CPSF6: variants seen among roughly 807,000 people sequenced by gnomAD.
CPSF6 encodes the protein cleavage and polyadenylation specific factor 6.
A neutral mutation model predicts 56.7 loss-of-function variants in CPSF6; 10 were observed. The ratio of observed to expected loss-of-function variants is 0.18; its 90% CI spans 0.11 to 0.30. The LOEUF (loss-of-function observed/expected upper bound fraction) is 0.30. CPSF6 is among the 10% of genes least tolerant of loss of function. The pLI is 1.00. For synonymous variants in CPSF6, 248 were observed against 244.8 expected (o/e 1.01, Z -0.12); for missense variants, 419 against 722.9 (o/e 0.58, Z 4.82).
At position 69,258,465 on chromosome 12, in the gene CPSF6, G is replaced by T; in HGVS notation, c.695-125G>T. On this transcript the variant is annotated intron_variant, in intron 5 of 9. Transcript: ENST00000435070. This position sits in a 1 kb window ranked among gnomAD's most constrained non-coding sequence, Gnocchi z 4.2. ...TGGTAGTGTAACATTTACCATACGGGTTTAATTTAAAGACAAAGACTTGGT... is the reference window on the plus strand; with the variant it reads ...TGGTAGTGTAACATTTACCATACGGTTTTAATTTAAAGACAAAGACTTGGT... The T allele has an allele frequency of 2.1e-6, 2 of 975,478 alleles. No individual in the cohort carries two copies. Among genetic ancestry groups the T allele is most frequent in the South Asian group, 3.6e-5 (2 of 55,390 alleles). The allele number at this position is 975,478 out of a possible 1,614,324, so 60.4% of individuals were successfully genotyped here.
chr12:69,246,012 GGGGGGCAGA>G (rs1871885549), intron 1 of CPSF6, among the ~76,000 whole-genome samples: 1 of 152,092 alleles, frequency 6.6e-6, no homozygotes, highest in Non-Finnish European at 1.5e-5. Context: ...GCTTGAACCT[GGGGGGCAGA>G]GGCTGCAGTG....
chr12:69,252,044 C>T (rs563804539), intron 2 of CPSF6: 1 of 455,828 alleles, frequency 2.2e-6, no homozygotes, highest in East Asian at 7.0e-5. Context: ...TCCTTAATAA[C>T]ACTGTATTTT....
intron 1 of CPSF6, among the ~76,000 whole-genome samples, chr12:69,248,146 A>T (rs1269388666): frequency 2.6e-5 from 4 of 152,256 alleles, no homozygotes; most frequent in Non-Finnish European, 5.9e-5. Context: ...AGTGATTGTG[A>T]TATACCAGGT....
chr12:69,243,325 C>G (rs1032749627), intron 1 of CPSF6, among the ~76,000 whole-genome samples: 1 of 152,166 alleles, frequency 6.6e-6, no homozygotes, highest in African/African-American at 2.4e-5. Context: ...TTGAGAGATA[C>G]TATATTTAGC....
chr12:69,240,270 C>T (rs572703948), intron 1 of CPSF6, among the ~76,000 whole-genome samples: 3 of 152,294 alleles, frequency 2.0e-5, no homozygotes, highest in South Asian at 2.1e-4. Context: ...CGCGCCCAGT[C>T]CCCGGGGCTC....
intron 9 of CPSF6, among the ~76,000 whole-genome samples, chr12:69,266,681 A>G (rs1284474585): frequency 6.6e-6 from 1 of 152,190 alleles, no homozygotes; most frequent in Non-Finnish European, 1.5e-5. Flanking sequence ...AATTTGTGGT[A>G]GCATGTTTTG....
At chr12:69,268,476 ACT>A (rs35275504) in intron 9 of CPSF6, among the ~76,000 whole-genome samples, 9,762 of 151,764 alleles carry the variant, frequency 0.064, 616 homozygotes, top group South Asian at 0.29. Context: ...GGCAGAAGTA[ACT>A]CTTAATTGTA....
chr12:69,261,876 C>G (rs1331647420), intron 8 of CPSF6, among the ~76,000 whole-genome samples: 1 of 152,156 alleles, frequency 6.6e-6, no homozygotes, highest in African/African-American at 2.4e-5. Flanking sequence ...CTTCTCCTCC[C>G]CTGAATATAA....
chr12:69,258,235 A>C lies in CPSF6; in HGVS notation c.694+330A>C. The C allele has an allele frequency of 1.3e-6, 1 of 796,604 alleles. No individual in the cohort carries two copies. Among genetic ancestry groups the C allele is most frequent in the Non-Finnish European group, 2.0e-6 (1 of 506,608 alleles). The allele number at this position is 796,604 out of a possible 1,614,324, so 49.3% of individuals were successfully genotyped here. ...TACCTCTTAAAAAAATCCTTTCAAGATCATTTTTCCTTGTTTCACTTTCTA... is the reference window on the plus strand; with the variant it reads ...TACCTCTTAAAAAAATCCTTTCAAGCTCATTTTTCCTTGTTTCACTTTCTA... On this transcript the variant is annotated intron_variant, in intron 5 of 9. Coordinates refer to ENST00000435070, the MANE Select transcript of CPSF6 (RefSeq NM_007007.3). The surrounding 1 kb of genome is among the most constrained non-coding windows in gnomAD (Gnocchi z 4.2).
At chr12:69,247,440 C>T (rs1828108157) in intron 1 of CPSF6, among the ~76,000 whole-genome samples, 1 of 149,536 alleles carries the variant, frequency 6.7e-6, no homozygotes, top group African/African-American at 2.4e-5. Context: ...AGCTGGCTAG[C>T]TACTATGAAC....
chr12:69,258,735 T>G lies in CPSF6; in HGVS notation c.840T>G (p.Pro280=). 3 of 1,614,064 alleles carry G rather than the reference T, an allele frequency of 1.9e-6. No homozygotes were observed. Among genetic ancestry groups the G allele is most frequent in the South Asian group, 1.1e-5 (1 of 91,070 alleles). The change falls in exon 6 of 10, where the codon CCT becomes CCG. Residue 280 remains proline, a synonymous_variant. Transcript: ENST00000435070. The surrounding 1 kb of genome is among the most constrained non-coding windows in gnomAD (Gnocchi z 4.2). ...GDRPPPPVLF[P]GQPFGQPPLG... is the part of the protein sequence containing the mutation. Reference sequence around the variant, plus strand: ...GCCCTCCACCACCAGTTCTTTTTCCTGGACAACCTTTTGGGCAGCCTCCAT... The same window carrying G: ...GCCCTCCACCACCAGTTCTTTTTCCGGGACAACCTTTTGGGCAGCCTCCAT...
rs1216692933 is a variant in CPSF6, at chr12:69,257,853, G to T, written c.642G>T (p.Gly214=). Residue 214 remains glycine (G), a synonymous_variant, in exon 5 of 10, where the codon GGG becomes GGT. Coordinates refer to ENST00000435070, the MANE Select transcript of CPSF6 (RefSeq NM_007007.3). The stretch of plus-strand genomic sequence containing the variant: ...GTTTTCCAGGGGCTGTTCCTGGTGG[G>T]GACAGATTTCCTGGGCCAGCAGGAC... The part of the protein sequence containing the change: ...RGRFPGAVPG[G]DRFPGPAGPG... The T allele has an allele frequency of 6.2e-7, 1 of 1,608,376 alleles. No homozygotes were observed. The highest frequency in any genetic ancestry group is 1.3e-5 in the African/African-American group (1 of 74,414).
intron 9 of CPSF6, among the ~76,000 whole-genome samples, chr12:69,265,205 C>T (rs766815027): frequency 6.6e-6 from 1 of 151,920 alleles, no homozygotes; most frequent in Non-Finnish European, 1.5e-5. Context: ...GAGAAAATAC[C>T]AATATTGTAA....
intron 2 of CPSF6, among the ~76,000 whole-genome samples, chr12:69,252,420 C>G (rs1347216595): frequency 6.6e-6 from 1 of 152,102 alleles, no homozygotes; most frequent in Non-Finnish European, 1.5e-5. Flanking sequence ...ACCACCCAGT[C>G]TGAGTATTCT....
In CPSF6 at chr12:69,273,733, A is replaced by G. The variant is rs1414756021; in HGVS notation, c.*4225A>G. ...TTGAAAATTGTAGTACTCAGGTGGTATTTAATGGGAAAGGATCCTTTGGGT... is the reference window on the plus strand; with the variant it reads ...TTGAAAATTGTAGTACTCAGGTGGTGTTTAATGGGAAAGGATCCTTTGGGT... On this transcript the variant is annotated 3_prime_UTR_variant, in exon 10 of 10. Transcript: ENST00000435070. 2 of 151,874 alleles carry G rather than the reference A, an allele frequency of 1.3e-5. No homozygotes were observed. The highest frequency in any genetic ancestry group is 1.9e-4 in the East Asian group (1 of 5,196). 9.4% of individuals were successfully genotyped at this position (151,874 alleles called of 1,614,324 possible). A position where few individuals can be genotyped will look rare whatever the true frequency, so the allele number is the denominator to read the frequency against.
At chr12:69,251,466 C>T (rs371411686) in intron 2 of CPSF6, 128 bp downstream of exon 2, 1 of 572,546 alleles carries the variant, frequency 1.7e-6, no homozygotes, top group South Asian at 3.0e-5. Context: ...TTTGCTTGTC[C>T]AATGAGGAGG....
rs1873257047 is a variant in CPSF6, at chr12:69,271,784, C to G, written c.*2276C>G. The G allele has an allele frequency of 6.6e-6, 1 of 151,626 alleles. No homozygotes were observed. Among genetic ancestry groups the G allele is most frequent in the Non-Finnish European group, 1.5e-5 (1 of 67,604 alleles). The allele number at this position is 151,626 out of a possible 1,614,324, so 9.4% of individuals were successfully genotyped here. On this transcript the variant is annotated 3_prime_UTR_variant, in exon 10 of 10. Transcript: ENST00000435070. The stretch of plus-strand genomic sequence containing the variant: ...TGAAAATTGCAGGCCTTGTTTTGTT[C>G]TTCATACCCCCTTCAGTTGTTTATG...
chr12:69,262,671 C>A, intron 9 of CPSF6, 109 bp downstream of exon 9: 2 of 1,212,174 alleles, frequency 1.6e-6, no homozygotes, highest in Non-Finnish European at 1.1e-6. Flanking sequence ...GGTCCAACTA[C>A]TTGTGAATTT....
intron 1 of CPSF6, among the ~76,000 whole-genome samples, chr12:69,243,549 ATACTG>A (rs1565641701): frequency 6.6e-6 from 1 of 152,224 alleles, no homozygotes; most frequent in Non-Finnish European, 1.5e-5. Flanking sequence ...ACTGTACTGA[ATACTG>A]TAGGCAGTTG....
Sources: gnomAD v4.1 joint callset for allele counts (sites outside exome capture counted in the v4.1 genomes callset) on GRCh38, gnomAD v4.1.1 for gene constraint, Gnocchi (gnomAD v3.1) non-coding constraint, MANE v1.5 for transcripts, NCBI Gene and HGNC (gene_info 2026-07-23, HGNC 2026-07-21) for gene names.